PISD: variants seen among roughly 807,000 people sequenced by gnomAD.
The protein encoded by PISD is phosphatidylserine decarboxylase proenzyme, mitochondrial.
PISD carries 31 observed loss-of-function variants against 43.5 expected under a neutral mutation model. That is an observed-to-expected ratio of 0.71 (90% CI 0.54 to 0.96). The LOEUF is 0.96. PISD is among the 40% of genes least tolerant of loss of function. The pLI, the probability that PISD is intolerant of heterozygous loss-of-function variation, is 0.00. For synonymous variants in PISD, 259 were observed against 228.7 expected (o/e 1.13, Z -1.20); for missense variants, 523 against 548.4 (o/e 0.95, Z 0.46).
At chr22:31,625,965 T>G (rs1430762468) in intron 3 of PISD, 2 of 1,478,680 alleles carry the variant, frequency 1.4e-6, no homozygotes, top group Admixed American at 4.4e-5. Flanking sequence ...CGCCGCTTCC[T>G]GGGTTTGGTT....
chr22:31,637,152 AAAAAAAAAAAAAATATATAT>A (rs1183174128), intron 3 of PISD, among the ~76,000 whole-genome samples: 20 of 30,586 alleles, frequency 6.5e-4, no homozygotes, highest in South Asian at 2.0e-3. Context: ...TTAAAAAAAA[AAAAAAAAAAAAAATATATAT>A]ATATATATAT....
At position 31,621,833 on chromosome 22, in the gene PISD, C is replaced by T. The variant is rs373653948; in HGVS notation, c.374G>A (p.Arg125His). ...GTGTGGCAGCTCCACCTGATTGAGG[C>T]GACCCCAGGCCCGTGACAGCAAGCG... ...PTRLLSRAWG[R>H]LNQVELPHWL... The change falls in exon 4 of 8, where the codon CGC becomes CAC. Residue 125 changes from arginine to histidine, a missense_variant. Arg to His is a conservative substitution (Grantham distance 29, BLOSUM62 0). Coordinates refer to ENST00000439502, the MANE Select transcript of PISD (RefSeq NM_001326411.2). 4.3e-5 allele frequency: 69 copies of T among 1,612,612 alleles called. No individual in the cohort carries two copies. The highest frequency in any genetic ancestry group is 1.2e-4 in the Admixed American group (7 of 60,032).
intron 1 of PISD, among the ~76,000 whole-genome samples, chr22:31,659,363 C>T (rs962310058): frequency 1.3e-5 from 2 of 152,160 alleles, no homozygotes; most frequent in Non-Finnish European, 2.9e-5. Flanking sequence ...TCTTCATTTG[C>T]TCCCCTTCCC....
chr22:31,661,076 G>A (rs2074303094), intron 1 of PISD, among the ~76,000 whole-genome samples: 1 of 151,962 alleles, frequency 6.6e-6, no homozygotes, highest in Non-Finnish European at 1.5e-5. Flanking sequence ...CTCATACACA[G>A]CACGCCTGGT....
At chr22:31,660,051 C>T (rs948956747) in intron 1 of PISD, among the ~76,000 whole-genome samples, 9 of 152,156 alleles carry the variant, frequency 5.9e-5, no homozygotes, top group African/African-American at 2.2e-4. Flanking sequence ...TCACCTGTCA[C>T]ACATCACCCA....
chr22:31,629,206 G>C (rs1247887220), intron 3 of PISD: 1 of 985,246 alleles, frequency 1.0e-6, no homozygotes, highest in East Asian at 1.1e-4. Flanking sequence ...CTACAGGTTG[G>C]GTTGGGGCCT....
rs762934328 is a variant in PISD, at chr22:31,621,030, G to C, written c.810C>G (p.Thr270=). 1 of 1,613,752 alleles carries C rather than the reference G, an allele frequency of 6.2e-7. No individual in the cohort carries two copies. The highest frequency in any genetic ancestry group is 8.5e-7 in the Non-Finnish European group (1 of 1,179,868). ...GGCGCCGGTGGGACACAGTCCAGTC[G>C]GTGGGGGAGTGGAAGCAGTGGTAGT... ...PGDYHCFHSP[T]DWTVSHRRHF... is the part of the protein sequence containing the mutation. The change falls in exon 6 of 8, where the codon ACC becomes ACG. Residue 270 remains threonine (T), a synonymous_variant. Transcript: ENST00000439502.
intron 3 of PISD, among the ~76,000 whole-genome samples, chr22:31,646,961 A>T (rs1391271774): frequency 2.6e-5 from 4 of 152,188 alleles, no homozygotes; most frequent in African/African-American, 4.8e-5. Context: ...GGGCAAGAGC[A>T]GACAGGTATC....
chr22:31,656,104 G>A (rs1344645542), intron 1 of PISD, among the ~76,000 whole-genome samples: 3 of 152,052 alleles, frequency 2.0e-5, no homozygotes, highest in South Asian at 4.1e-4. Context: ...GACCAGCCTC[G>A]CCAATATGGT....
At chr22:31,653,476 T>C (rs1402176146) in intron 1 of PISD, among the ~76,000 whole-genome samples, 5 of 152,196 alleles carry the variant, frequency 3.3e-5, no homozygotes, top group Admixed American at 1.3e-4. Flanking sequence ...TGATCATTTA[T>C]GTATCCACCG....
At chr22:31,646,294 T>C (rs1208518354) in intron 3 of PISD, among the ~76,000 whole-genome samples, 5 of 152,030 alleles carry the variant, frequency 3.3e-5, no homozygotes, top group African/African-American at 1.2e-4. Context: ...TCAAGAAGAG[T>C]ATCTAACTTA....
intron 3 of PISD, among the ~76,000 whole-genome samples, chr22:31,624,314 G>A (rs769412011): frequency 2.6e-5 from 4 of 152,206 alleles, no homozygotes; most frequent in Admixed American, 1.3e-4. Flanking sequence ...CACAGGCACT[G>A]GCACGGCAGC....
intron 6 of PISD, 45 bp from the exon 7 acceptor site, chr22:31,620,758 G>A: frequency 2.5e-6 from 4 of 1,608,750 alleles, no homozygotes; most frequent in Non-Finnish European, 3.4e-6. Flanking sequence ...AGAGCCCGGT[G>A]TGTCCACCCC....
At chr22:31,644,356 C>T (rs1239814097) in intron 3 of PISD, among the ~76,000 whole-genome samples, 4 of 151,728 alleles carry the variant, frequency 2.6e-5, no homozygotes, top group African/African-American at 4.8e-5. Context: ...TCTCCTGCCT[C>T]AGCCTCCCAA....
chr22:31,625,640 C>G, intron 3 of PISD: 1 of 1,268,858 alleles, frequency 7.9e-7, no homozygotes, highest in Non-Finnish European at 1.1e-6. Flanking sequence ...CCTCCAGCCT[C>G]GGGGGCTGAC....
chr22:31,637,200 T>TAC (rs2073526921), intron 3 of PISD, among the ~76,000 whole-genome samples: 2 of 90,984 alleles, frequency 2.2e-5, no homozygotes, highest in African/African-American at 9.2e-5. Context: ...TATATATATA[T>TAC]ATATATAGAA....
At chr22:31,638,123 G>A (rs533734019) in intron 3 of PISD, among the ~76,000 whole-genome samples, 50 of 152,346 alleles carry the variant, frequency 3.3e-4, no homozygotes, top group Non-Finnish European at 5.6e-4. Context: ...TATTTTGGCT[G>A]TGCCTGCCCT....
intron 4 of PISD, 29 bp downstream of exon 4, chr22:31,621,620 T>C: frequency 1.9e-6 from 3 of 1,605,764 alleles, no homozygotes; most frequent in South Asian, 2.2e-5. Flanking sequence ...AAGTCCTGTT[T>C]CCTGCAGGAG....
At chr22:31,638,931 G>C (rs973583676) in intron 3 of PISD, among the ~76,000 whole-genome samples, 2 of 149,718 alleles carry the variant, frequency 1.3e-5, no homozygotes, top group African/African-American at 2.5e-5. Flanking sequence ...GGTCGAGGCC[G>C]TGGTGAGCCC....
Sources: gnomAD v4.1 joint callset for allele counts (sites outside exome capture counted in the v4.1 genomes callset) on GRCh38, gnomAD v4.1.1 for gene constraint, MANE v1.5 for transcripts, NCBI Gene and HGNC (gene_info 2026-07-23, HGNC 2026-07-21) for gene names.